The following DENND2A variants were observed in gnomAD, a reference collection of about 807,000 sequenced individuals.
DENND2A encodes DENN domain-containing protein 2A.
In DENND2A, 53 loss-of-function variants were observed where a neutral mutation model predicts 105.3. That is an observed-to-expected ratio of 0.50 (90% CI 0.40 to 0.63). The LOEUF is 0.63. Among genes scored for constraint, DENND2A ranks in the 30% least tolerant of loss-of-function variants. The pLI, the probability that DENND2A is intolerant of heterozygous loss-of-function variation, is 0.00. For missense variants in DENND2A, 1,138 were observed against 1,279.6 expected, an observed-to-expected ratio of 0.89 and a Z score of 1.69; for synonymous variants, 522 against 508.4, an observed-to-expected ratio of 1.03 and a Z score of -0.36.
At chr7:140,632,822 C>T (rs1287162117) in intron 1 of DENND2A, among the ~76,000 whole-genome samples, 2 of 150,868 alleles carry the variant, frequency 1.3e-5, no homozygotes, top group African/African-American at 4.9e-5. Flanking sequence ...ACCTCAGCCT[C>T]CCAAAGTGTT....
chr7:140,550,423 T>A (rs1176292211), intron 12 of DENND2A, among the ~76,000 whole-genome samples: 1 of 152,178 alleles, frequency 6.6e-6, no homozygotes, highest in Non-Finnish European at 1.5e-5. Context: ...AGTGGTGCGA[T>A]CTGGGCTCAC....
chr7:140,569,575 A>T, intron 7 of DENND2A, 70 bp downstream of exon 7: 1 of 1,096,108 alleles, frequency 9.1e-7, no homozygotes, highest in Non-Finnish European at 1.4e-6. Context: ...CAGAAAAAAC[A>T]GGAAGCCACT....
At chr7:140,531,669 G>A (rs1796271528) in intron 14 of DENND2A, among the ~76,000 whole-genome samples, 1 of 151,662 alleles carries the variant, frequency 6.6e-6, no homozygotes, top group Non-Finnish European at 1.5e-5. Context: ...CAAAAAACGA[G>A]TCGGGCATGG....
intron 1 of DENND2A, among the ~76,000 whole-genome samples, chr7:140,620,261 G>A (rs1800234455): frequency 6.9e-6 from 1 of 145,888 alleles, no homozygotes; most frequent in Admixed American, 7.2e-5. Context: ...TTATTAAATG[G>A]AAAAAACGTT....
intron 18 of DENND2A, among the ~76,000 whole-genome samples, 177 bp from the exon 19 acceptor site, chr7:140,519,895 C>T (rs1361791186): frequency 6.6e-6 from 1 of 152,176 alleles, no homozygotes; most frequent in Non-Finnish European, 1.5e-5. Flanking sequence ...AATTGCCCCA[C>T]CTGTGCAGTA....
chr7:140,539,889 T>C (rs757275293), intron 14 of DENND2A, among the ~76,000 whole-genome samples: 6 of 152,210 alleles, frequency 3.9e-5, no homozygotes, highest in Admixed American at 6.5e-5. Flanking sequence ...GGACGATTTA[T>C]TGGGCAGCGG....
chr7:140,585,532 C>T (rs1051260135), intron 5 of DENND2A, 57 bp downstream of exon 5: 2 of 1,609,604 alleles, frequency 1.2e-6, no homozygotes, highest in Non-Finnish European at 1.7e-6. Context: ...CTCCAGAGTG[C>T]TCAAGGCCAC....
chr7:140,626,963 C>T (rs1483512127), intron 1 of DENND2A, among the ~76,000 whole-genome samples: 1 of 152,096 alleles, frequency 6.6e-6, no homozygotes, highest in Non-Finnish European at 1.5e-5. Context: ...TGCGGGACCT[C>T]GATCAAGATA....
chr7:140,542,466 G>A (rs1381631918), intron 14 of DENND2A, among the ~76,000 whole-genome samples: 2 of 151,956 alleles, frequency 1.3e-5, no homozygotes, highest in Admixed American at 6.6e-5. Flanking sequence ...CCTTCTGTGA[G>A]CTGGCCTCTG....
intron 5 of DENND2A, among the ~76,000 whole-genome samples, chr7:140,574,401 T>C (rs149200971): frequency 6.6e-6 from 1 of 152,066 alleles, no homozygotes; most frequent in Non-Finnish European, 1.5e-5. Context: ...CGTATTTTAG[T>C]AGAGACGAGG....
intron 4 of DENND2A, among the ~76,000 whole-genome samples, chr7:140,586,594 G>A (rs966355246): frequency 1.3e-5 from 2 of 151,996 alleles, no homozygotes; most frequent in Non-Finnish European, 2.9e-5. Context: ...GAAAAGAAAT[G>A]GAGGAAGGAA....
At chr7:140,625,630 CGAG>C (rs931994699) in intron 1 of DENND2A, among the ~76,000 whole-genome samples, 41 of 152,246 alleles carry the variant, frequency 2.7e-4, no homozygotes, top group Middle Eastern at 3.4e-3. Context: ...TGCAGTGAGC[CGAG>C]ATCATGCCAT....
At chr7:140,629,844 G>A (rs1800670420) in intron 1 of DENND2A, among the ~76,000 whole-genome samples, 1 of 149,462 alleles carries the variant, frequency 6.7e-6, no homozygotes, top group Admixed American at 6.7e-5. Flanking sequence ...TGTCTTTTAT[G>A]TTTCTTTCTC....
chr7:140,597,269 G>A (rs1799318868), intron 3 of DENND2A, among the ~76,000 whole-genome samples: 1 of 152,168 alleles, frequency 6.6e-6, no homozygotes, highest in Non-Finnish European at 1.5e-5. Context: ...GGCACACACA[G>A]CCTGGCCATG....
intron 6 of DENND2A, among the ~76,000 whole-genome samples, chr7:140,570,086 G>T (rs1360859981): frequency 6.6e-6 from 1 of 152,060 alleles, no homozygotes; most frequent in African/African-American, 2.4e-5. Flanking sequence ...GTAGAGACGG[G>T]GTTTCACCAC....
chr7:140,587,631 C>T (rs142893936), intron 4 of DENND2A, 22 bp downstream of exon 4: 2 of 1,612,822 alleles, frequency 1.2e-6, no homozygotes, highest in Admixed American at 1.7e-5. Context: ...CAGATCCGCA[C>T]ACAGACGCTG....
chr7:140,544,915 A>T (rs1228152263), intron 13 of DENND2A, 149 bp from the exon 14 acceptor site: 1 of 1,318,026 alleles, frequency 7.6e-7, no homozygotes, highest in Non-Finnish European at 9.9e-7. Context: ...AAACAAAAGG[A>T]TTGGGGGAAA....
At chr7:140,599,877 T>A (rs1799421069) in intron 3 of DENND2A, among the ~76,000 whole-genome samples, 1 of 151,938 alleles carries the variant, frequency 6.6e-6, no homozygotes, top group South Asian at 2.1e-4. Flanking sequence ...GGTGACAGGA[T>A]TTAATTTATA....
In DENND2A at chr7:140,634,943, C is replaced by T. The variant is rs542459158; in HGVS notation, c.-248+5561G>A. 2.6e-3 allele frequency among the ~76,000 whole-genome samples: 387 copies of T among 146,464 alleles called. 2 individuals carry two copies. Among genetic ancestry groups the T allele is most frequent in the Non-Finnish European group, 3.2e-3 (213 of 66,922 alleles). ...CGGCACTGAACTCCAGCCTGTGTGACAGAGCAAGACTCCGTCTCAAAAAAA... is the reference window on the plus strand; with the variant it reads ...CGGCACTGAACTCCAGCCTGTGTGATAGAGCAAGACTCCGTCTCAAAAAAA... On this transcript the variant is annotated intron_variant, in intron 1 of 19. Transcript: ENST00000496613.
Sources: allele counts gnomAD v4.1 joint callset (sites outside exome capture counted in the v4.1 genomes callset), GRCh38; gene constraint gnomAD v4.1.1; transcripts MANE v1.5; gene names NCBI Gene and HGNC (gene_info 2026-07-23, HGNC 2026-07-21).